The following GTF3C5 variants were observed in gnomAD, a reference collection of about 807,000 sequenced individuals.
GTF3C5 encodes the protein general transcription factor 3C polypeptide 5.
A neutral mutation model predicts 61.0 loss-of-function variants in GTF3C5; 47 were observed. The observed-to-expected ratio is 0.77, with a 90% CI of 0.61 to 0.98. GTF3C5 has a LOEUF of 0.98. Ranked by LOEUF, GTF3C5 falls within the 50% of genes least tolerant of loss-of-function variation. The pLI, the probability that GTF3C5 is intolerant of heterozygous loss-of-function variation, is 0.00. For synonymous variants in GTF3C5, 295 were observed against 275.4 expected (o/e 1.07, Z -0.71); for missense variants, 659 against 703.3 (o/e 0.94, Z 0.71).
At position 133,044,278 on chromosome 9, in the gene GTF3C5, G is replaced by A. The variant is rs910507771; in HGVS notation, c.572+352G>A. On this transcript the variant is annotated intron_variant, in intron 3 of 10. Coordinates refer to ENST00000372097, the MANE Select transcript of GTF3C5 (RefSeq NM_012087.4). ...AGTACAGAACAGGGCCTTAGTAAGC[G>A]GTGGCCTGTGTGATCGCCAGGTTGG... is the stretch of plus-strand genomic sequence containing the variant. 17 of 244,438 alleles carry A rather than the reference G, an allele frequency of 7.0e-5. 1 individual carries two copies. Among genetic ancestry groups the A allele is most frequent in the Admixed American group, 2.1e-4 (4 of 19,370 alleles). 15.1% of individuals were successfully genotyped at this position (244,438 alleles called of 1,614,324 possible).
chr9:133,032,893 G>A (rs1227493990), intron 1 of GTF3C5, among the ~76,000 whole-genome samples: 1 of 152,194 alleles, frequency 6.6e-6, no homozygotes, highest in Non-Finnish European at 1.5e-5. Context: ...CAGTGCCTTT[G>A]TTATGGTTCC....
intron 1 of GTF3C5, among the ~76,000 whole-genome samples, chr9:133,040,625 A>G (rs1850010086): frequency 1.3e-5 from 2 of 152,230 alleles, no homozygotes; most frequent in African/African-American, 4.8e-5. Context: ...CAGAGCCCAA[A>G]TGGTTGTTAC....
At chr9:133,055,755 T>TGCACGGGCGG in intron 8 of GTF3C5, 1 of 1,328,544 alleles carries the variant, frequency 7.5e-7, no homozygotes, top group Admixed American at 3.2e-5. Context: ...CATGGCCTGC[T>TGCACGGGCGG]GCACGGGCGG....
At position 133,058,148 on chromosome 9, in the gene GTF3C5, A is replaced by C; in HGVS notation, c.*168A>C. The C allele has an allele frequency of 6.9e-7, 1 of 1,450,808 alleles. No homozygotes were observed. Among genetic ancestry groups the C allele is most frequent in the Non-Finnish European group, 9.1e-7 (1 of 1,102,330 alleles). 89.9% of individuals were successfully genotyped at this position (1,450,808 alleles called of 1,614,324 possible). ...GCAGCTGACCCTAGCACTGGCTGTG[A>C]CATGCTGCTTGGTGCTGCCTCTGGT... On this transcript the variant is annotated 3_prime_UTR_variant, in exon 11 of 11. Transcript: ENST00000372097.
At chr9:133,051,422 C>G (rs1850371916) in intron 4 of GTF3C5, among the ~76,000 whole-genome samples, 1 of 152,110 alleles carries the variant, frequency 6.6e-6, no homozygotes, top group African/African-American at 2.4e-5. Flanking sequence ...GCATGAGCAT[C>G]AGGTTCACAG....
intron 4 of GTF3C5, among the ~76,000 whole-genome samples, chr9:133,051,383 G>A (rs980087367): frequency 3.3e-5 from 5 of 152,100 alleles, no homozygotes; most frequent in African/African-American, 1.2e-4. Context: ...CCGGGCTTGC[G>A]GGTGCCGTGG....
chr9:133,030,972 T>A, upstream of GTF3C5: 1 of 1,610,158 alleles, frequency 6.2e-7, no homozygotes, highest in Non-Finnish European at 8.5e-7. Flanking sequence ...GGGAGTACTT[T>A]GTGGGACGGA....
chr9:133,056,154 C>G, intron 9 of GTF3C5, 60 bp downstream of exon 9: 2 of 1,426,912 alleles, frequency 1.4e-6, no homozygotes, highest in Non-Finnish European at 2.0e-6. Flanking sequence ...GGGACCAAAG[C>G]GGTCTCTGAA....
Position 133,031,028 on chromosome 9 carries a change from C to T in GTF3C5, c.17C>T (p.Ala6Val). The T allele has an allele frequency of 2.5e-6, 4 of 1,612,064 alleles. No homozygotes were observed. The highest frequency in any genetic ancestry group is 3.4e-6 in the Non-Finnish European group (4 of 1,179,102). ...CGCACAGGGATGGCGGCGGAGGCGG[C>T]CGATTTGGGGCTGGGGGCCGCCGTC... MAAEA[A>V]DLGLGAAVPV... The change falls in exon 1 of 11, where the codon GCC becomes GTC. Residue 6 changes from alanine to valine, a missense_variant. Physicochemically the swap from Ala to Val is moderately conservative, Grantham distance 64. Coordinates refer to ENST00000372097, the MANE Select transcript of GTF3C5 (RefSeq NM_012087.4).
chr9:133,031,553 T>C (rs1354674676), intron 1 of GTF3C5, among the ~76,000 whole-genome samples: 1 of 152,102 alleles, frequency 6.6e-6, no homozygotes, highest in Non-Finnish European at 1.5e-5. Context: ...GGTTTCACCA[T>C]GTTGGTCAGG....
chr9:133,053,727 C>G (rs1301362486), intron 5 of GTF3C5, 101 bp from the exon 6 acceptor site: 2 of 683,862 alleles, frequency 2.9e-6, no homozygotes, highest in Non-Finnish European at 5.0e-6. Context: ...GAGCCCTGTC[C>G]CCAGCTCCTG....
intron 3 of GTF3C5, among the ~76,000 whole-genome samples, chr9:133,049,344 G>T (rs1055460929): frequency 6.6e-6 from 1 of 152,180 alleles, no homozygotes; most frequent in African/African-American, 2.4e-5. Flanking sequence ...TGTCCCGTGC[G>T]GTTTCTAACG....
rs897524693 is a variant in GTF3C5, at chr9:133,043,742, C to G, written c.388C>G (p.Gln130Glu). The G allele has an allele frequency of 6.2e-7, 1 of 1,613,964 alleles. No individual in the cohort carries two copies. The highest frequency in any genetic ancestry group is 1.3e-5 in the African/African-American group (1 of 74,928). The change falls in exon 3 of 11, where the codon CAG (glutamine) becomes GAG (glutamate). Residue 130 changes from glutamine to glutamate, a missense_variant. Coordinates refer to ENST00000372097, the MANE Select transcript of GTF3C5 (RefSeq NM_012087.4). Reference protein sequence around the residue: ...IYKFQGMSDFQYLAVHTEAGG... With the variant: ...IYKFQGMSDFEYLAVHTEAGG... ...TCTCTTTCTAGGGATGTCTGACTTCCAGTACTTGGCTGTGCATACGGAAGC... is the reference window on the plus strand; with the variant it reads ...TCTCTTTCTAGGGATGTCTGACTTCGAGTACTTGGCTGTGCATACGGAAGC...
chr9:133,045,000 G>A (rs535427936), intron 3 of GTF3C5, among the ~76,000 whole-genome samples: 1 of 151,792 alleles, frequency 6.6e-6, no homozygotes, highest in South Asian at 2.1e-4. Flanking sequence ...GACATAATTA[G>A]AGACCTCAGC....
Position 133,053,863 on chromosome 9 carries a change from T to A in GTF3C5, c.909T>A (p.Phe303Leu), listed in dbSNP as rs1554730702. Residue 303 changes from phenylalanine (F) to leucine (L), a missense_variant, in exon 6 of 11, where the codon TTT becomes TTA. By Grantham distance (22) the Phe-to-Leu change is conservative. Transcript: ENST00000372097. ...CCTGGCGCAGCCTATGGATTCGATT[T>A]GGGTATGACCCCCGAAAAAACCCAG... is the stretch of plus-strand genomic sequence containing the variant. ...TGPWRSLWIR[F>L]GYDPRKNPDA... is the part of the protein sequence containing the mutation. The A allele has an allele frequency of 6.2e-7, 1 of 1,612,634 alleles. No homozygotes were observed. Among genetic ancestry groups the A allele is most frequent in the South Asian group, 1.1e-5 (1 of 90,988 alleles).
intron 3 of GTF3C5, among the ~76,000 whole-genome samples, chr9:133,047,954 G>GT (rs577644526): frequency 7.1e-4 from 108 of 152,294 alleles, no homozygotes; most frequent in African/African-American, 2.3e-3. Context: ...GTGAGACCCT[G>GT]TGTCTACAAA....
intron 3 of GTF3C5, among the ~76,000 whole-genome samples, chr9:133,045,655 A>G (rs1564199477): frequency 6.6e-6 from 1 of 152,156 alleles, no homozygotes; most frequent in African/African-American, 2.4e-5. Context: ...TCTTTTTGAA[A>G]GGCGGAGTCT....
chr9:133,056,903 G>A lies in GTF3C5; in HGVS notation c.1388G>A (p.Arg463Lys), dbSNP rs1282213437. The A allele has an allele frequency of 1.3e-6, 2 of 1,599,646 alleles. No individual in the cohort carries two copies. Among genetic ancestry groups the A allele is most frequent in the Admixed American group, 1.7e-5 (1 of 57,862 alleles). Reference protein sequence around the residue: ...LMIRQTIRSKRPALFSSSAKA... With the variant: ...LMIRQTIRSKKPALFSSSAKA... The stretch of plus-strand genomic sequence containing the variant: ...ATCCGGCAGACCATCCGCTCCAAGA[G>A]GCCTGGTAAGAGCCGCTTGGGGTAA... Residue 463 changes from arginine (R) to lysine (K), a missense_variant, in exon 10 of 11, where the codon AGG becomes AAG. Physicochemically the swap from Arg to Lys is conservative, Grantham distance 26. Coordinates refer to ENST00000372097, the MANE Select transcript of GTF3C5 (RefSeq NM_012087.4).
At chr9:133,045,023 G>A (rs1444245898) in intron 3 of GTF3C5, among the ~76,000 whole-genome samples, 1 of 152,116 alleles carries the variant, frequency 6.6e-6, no homozygotes, top group Non-Finnish European at 1.5e-5. Flanking sequence ...CTGTTGGAAA[G>A]GCAGGCCTGG....
Sources: allele counts gnomAD v4.1 joint callset (sites outside exome capture counted in the v4.1 genomes callset), GRCh38; gene constraint gnomAD v4.1.1; transcripts MANE v1.5; gene names NCBI Gene and HGNC (gene_info 2026-07-23, HGNC 2026-07-21).